SHISA6: variants seen among roughly 807,000 people sequenced by gnomAD.
SHISA6 encodes protein shisa-6.
SHISA6 carries 22 observed loss-of-function variants against 47.9 expected under a neutral mutation model. That is an observed-to-expected ratio of 0.46 (90% CI 0.33 to 0.66). SHISA6 has a LOEUF of 0.66. Among genes scored for constraint, SHISA6 ranks in the 30% least tolerant of loss-of-function variants. The pLI, the probability that SHISA6 is intolerant of heterozygous loss-of-function variation, is 0.02. For missense variants in SHISA6, 680 were observed against 764.6 expected (o/e 0.89, Z 1.30); for synonymous variants, 388 against 337.8 (o/e 1.15, Z -1.63).
chr17:11,557,981 C>T lies in SHISA6; in HGVS notation c.1333C>T (p.Gln445Ter). The T allele has an allele frequency of 6.4e-7, 1 of 1,551,552 alleles. No individual in the cohort carries two copies. Among genetic ancestry groups the T allele is most frequent in the Admixed American group, 2.0e-5 (1 of 51,004 alleles). The change falls in exon 6 of 6, where the codon CAG becomes TAG. Residue 445 changes from glutamine (Q) to a stop codon, truncating the protein, a stop_gained. Coordinates refer to ENST00000441885, the MANE Select transcript of SHISA6 (RefSeq NM_207386.4). LOFTEE classifies it high-confidence loss of function. ...CTACGACCGCATCCTGTCCGACGAG[C>T]AGCTGCTCTCCACGGAGCGCCTGCA... Reference protein sequence around the residue: ...MPYDRILSDEQLLSTERLHSQ... With the variant: ...MPYDRILSDE
At chr17:11,282,277 C>T (rs1001625812) in intron 2 of SHISA6, among the ~76,000 whole-genome samples, 2 of 152,118 alleles carry the variant, frequency 1.3e-5, no homozygotes, top group Non-Finnish European at 2.9e-5. Flanking sequence ...CACTTGTTGC[C>T]CAGATTTTTA....
At chr17:11,264,081 T>G (rs536446006) in intron 2 of SHISA6, among the ~76,000 whole-genome samples, 5 of 152,318 alleles carry the variant, frequency 3.3e-5, no homozygotes, top group African/African-American at 1.2e-4. Context: ...TAGCTATAAC[T>G]GTGAAGAAAA....
At chr17:11,371,814 G>A (rs545241331) in intron 2 of SHISA6, among the ~76,000 whole-genome samples, 19 of 152,014 alleles carry the variant, frequency 1.2e-4, no homozygotes, top group East Asian at 1.9e-4. Context: ...AAAATAACAC[G>A]TTTAGAATAT....
chr17:11,335,254 T>C (rs1437535771), intron 2 of SHISA6, among the ~76,000 whole-genome samples: 1 of 152,232 alleles, frequency 6.6e-6, no homozygotes, highest in African/African-American at 2.4e-5. Flanking sequence ...ATTTAGATGC[T>C]CGCTGCTTCC....
At chr17:11,537,621 C>T (rs2071798559) in intron 3 of SHISA6, among the ~76,000 whole-genome samples, 1 of 152,070 alleles carries the variant, frequency 6.6e-6, no homozygotes, top group African/African-American at 2.4e-5. Context: ...CCACTTTGGG[C>T]CTTAGGAAGA....
intron 3 of SHISA6, among the ~76,000 whole-genome samples, chr17:11,426,954 A>G (rs1397793084): frequency 1.3e-5 from 2 of 152,188 alleles, no homozygotes; most frequent in African/African-American, 4.8e-5. Flanking sequence ...TCACGTTGCC[A>G]TCCTGTCTCC....
chr17:11,308,333 C>T (rs1910200449), intron 2 of SHISA6, among the ~76,000 whole-genome samples: 2 of 152,208 alleles, frequency 1.3e-5, no homozygotes, highest in South Asian at 2.1e-4. Context: ...GTGATCCCAG[C>T]TCCCTAAACA....
intron 3 of SHISA6, among the ~76,000 whole-genome samples, chr17:11,457,114 T>G (rs1259387730): frequency 6.6e-6 from 1 of 152,206 alleles, no homozygotes; most frequent in East Asian, 1.9e-4. Context: ...AATCTCTGCC[T>G]CATTGAATAT....
chr17:11,287,129 A>T (rs961950914), intron 2 of SHISA6, among the ~76,000 whole-genome samples: 8 of 152,022 alleles, frequency 5.3e-5, no homozygotes, highest in African/African-American at 1.9e-4. Flanking sequence ...GCATGGTGGC[A>T]TATGCTTGTA....
chr17:11,503,675 T>C (rs1401168457), intron 3 of SHISA6, among the ~76,000 whole-genome samples: 9 of 152,236 alleles, frequency 5.9e-5, no homozygotes, highest in Non-Finnish European at 1.0e-4. Context: ...CTTGGAGATG[T>C]AATAAGGCTT....
At chr17:11,455,029 C>T (rs1335779439) in intron 3 of SHISA6, among the ~76,000 whole-genome samples, 3 of 151,970 alleles carry the variant, frequency 2.0e-5, no homozygotes, top group Non-Finnish European at 2.9e-5. Context: ...AATAGCTGGG[C>T]GTGGTGGTGA....
At chr17:11,499,504 C>G (rs1484652503) in intron 3 of SHISA6, among the ~76,000 whole-genome samples, 1 of 152,100 alleles carries the variant, frequency 6.6e-6, no homozygotes, top group Non-Finnish European at 1.5e-5. Flanking sequence ...CTTAGCAAAA[C>G]AACTCCCAGC....
At chr17:11,434,711 C>T (rs1914889142) in intron 3 of SHISA6, among the ~76,000 whole-genome samples, 1 of 152,026 alleles carries the variant, frequency 6.6e-6, no homozygotes, top group Non-Finnish European at 1.5e-5. Flanking sequence ...TACCTATTAC[C>T]ATTTTCTTTT....
intron 3 of SHISA6, among the ~76,000 whole-genome samples, chr17:11,429,189 G>A (rs1331722399): frequency 6.6e-6 from 1 of 152,138 alleles, no homozygotes; most frequent in African/African-American, 2.4e-5. Flanking sequence ...TTGTTATCTG[G>A]ACACTGCCCT....
chr17:11,427,797 A>C (rs1161170367), intron 3 of SHISA6, among the ~76,000 whole-genome samples: 1 of 152,154 alleles, frequency 6.6e-6, no homozygotes. Context: ...ATAGAAAAAA[A>C]AAAATTTCAC....
intron 2 of SHISA6, among the ~76,000 whole-genome samples, chr17:11,346,505 T>C (rs532192437): frequency 6.6e-4 from 101 of 152,302 alleles, no homozygotes; most frequent in African/African-American, 2.4e-3. Flanking sequence ...GAAGAATAGT[T>C]TTACTTTGAA....
At chr17:11,476,967 C>T (rs892570258) in intron 3 of SHISA6, among the ~76,000 whole-genome samples, 3 of 152,128 alleles carry the variant, frequency 2.0e-5, no homozygotes, top group Non-Finnish European at 2.9e-5. Context: ...ACATTAAAAA[C>T]TGTTACGTCT....
At chr17:11,476,643 A>G (rs903922163) in intron 3 of SHISA6, among the ~76,000 whole-genome samples, 3 of 151,566 alleles carry the variant, frequency 2.0e-5, no homozygotes, top group African/African-American at 7.3e-5. Flanking sequence ...AACAGATGTT[A>G]TGTTAAATTC....
chr17:11,379,517 G>A lies in SHISA6; in HGVS notation c.895+8G>A, dbSNP rs1048046872. Reference sequence around the variant, plus strand: ...GAAGAGGACACACCAAGGGTACAGTGGAAACCATTTTTTACTAAAATACAG... The same window carrying A: ...GAAGAGGACACACCAAGGGTACAGTAGAAACCATTTTTTACTAAAATACAG... On this transcript the variant is annotated splice_region_variant and intron_variant, in intron 3 of 5. Transcript: ENST00000441885. 1.3e-6 allele frequency: 2 copies of A among 1,524,658 alleles called. No homozygotes were observed. Among genetic ancestry groups the A allele is most frequent in the African/African-American group, 2.8e-5 (2 of 71,324 alleles). The allele number at this position is 1,524,658 out of a possible 1,614,324, so 94.4% of individuals were successfully genotyped here.
Sources: gnomAD v4.1 joint callset for allele counts (sites outside exome capture counted in the v4.1 genomes callset) on GRCh38, gnomAD v4.1.1 for gene constraint, MANE v1.5 for transcripts, NCBI Gene and HGNC (gene_info 2026-07-23, HGNC 2026-07-21) for gene names.